GPR65: variants seen among roughly 807,000 people sequenced by gnomAD.
GPR65 encodes T-cell death-associated gene 8 protein.
In GPR65, 2 loss-of-function variants were observed where a neutral mutation model predicts 0.7. The ratio of observed to expected loss-of-function variants is 2.83; its 90% CI spans 1.16 to 8.92. GPR65 has a LOEUF of 8.92. GPR65 is among the 30% of genes most tolerant of loss of function. The pLI, the probability that GPR65 is intolerant of heterozygous loss-of-function variation, is 0.04. For missense variants in GPR65, 379 were observed against 399.4 expected, an observed-to-expected ratio of 0.95 and a Z score of 0.43; for synonymous variants, 128 against 146.5, an observed-to-expected ratio of 0.87 and a Z score of 0.91.
chr14:88,005,701 G>A (rs1431861284), intron 1 of GPR65, among the ~76,000 whole-genome samples: 3 of 152,122 alleles, frequency 2.0e-5, no homozygotes, highest in African/African-American at 4.8e-5. Context: ...CTACCACAGT[G>A]CCTGAAATAT....
chr14:88,007,687 T>A (rs1472002493), intron 1 of GPR65, among the ~76,000 whole-genome samples: 1 of 148,108 alleles, frequency 6.8e-6, no homozygotes, highest in Non-Finnish European at 1.5e-5. Flanking sequence ...TTGTGTTTTT[T>A]ATATATATAT....
At chr14:88,007,554 T>C (rs1392420284) in intron 1 of GPR65, among the ~76,000 whole-genome samples, 1 of 151,034 alleles carries the variant, frequency 6.6e-6, no homozygotes, top group Non-Finnish European at 1.5e-5. Context: ...TTATTATTAT[T>C]TTTATTTTTA....
At position 88,011,230 on chromosome 14, in the gene GPR65, G is replaced by C. The variant is rs780214420; in HGVS notation, c.383G>C (p.Arg128Thr). Residue 128 changes from arginine to threonine, a missense_variant, in exon 2 of 2, where the codon AGA becomes ACA. Arg to Thr is a moderately conservative substitution (Grantham distance 71). Transcript: ENST00000267549. Reference sequence around the variant, plus strand: ...TTGAAGTTTTTTTTCCTAAGGACAAGAAGATTTGCACTCATGGTCAGCCTG... The same window carrying C: ...TTGAAGTTTTTTTTCCTAAGGACAACAAGATTTGCACTCATGGTCAGCCTG... ...YPLKFFFLRTRRFALMVSLSI... is the reference protein window; with the variant it reads ...YPLKFFFLRTTRFALMVSLSI... 6.2e-7 allele frequency: 1 copy of C among 1,613,914 alleles called. No individual in the cohort carries two copies. The highest frequency in any genetic ancestry group is 1.1e-5 in the South Asian group (1 of 91,088).
chr14:88,005,635 A>G (rs55905933), intron 1 of GPR65, among the ~76,000 whole-genome samples: 16,514 of 152,170 alleles, frequency 0.11, 1,100 homozygotes, highest in Non-Finnish European at 0.15. Context: ...TGATATTAGG[A>G]AAGAATATTT....
chr14:88,011,990 C>T lies in GPR65; in HGVS notation c.*129C>T. The T allele has an allele frequency of 4.5e-6, 3 of 664,888 alleles. No homozygotes were observed. Among genetic ancestry groups the T allele is most frequent in the Non-Finnish European group, 7.7e-6 (3 of 387,956 alleles). The allele number at this position is 664,888 out of a possible 1,614,324, so 41.2% of individuals were successfully genotyped here. On this transcript the variant is annotated 3_prime_UTR_variant, in exon 2 of 2. Transcript: ENST00000267549. ...TCTCAGAGTGATGTTTTAATCCAGT[C>T]CAATAAAAATATCTTAAAACTGCAT...
intron 1 of GPR65, among the ~76,000 whole-genome samples, chr14:88,009,798 T>C (rs965666358): frequency 1.3e-5 from 2 of 152,062 alleles, no homozygotes; most frequent in African/African-American, 4.8e-5. Context: ...TTTATAAAAG[T>C]ATAAGAAAAA....
At position 88,011,962 on chromosome 14, in the gene GPR65, T is replaced by G; in HGVS notation, c.*101T>G. 1 of 830,484 alleles carries G rather than the reference T, an allele frequency of 1.2e-6. No individual in the cohort carries two copies. Among genetic ancestry groups the G allele is most frequent in the Admixed American group, 2.5e-5 (1 of 40,066 alleles). The allele number at this position is 830,484 out of a possible 1,614,324, so 51.4% of individuals were successfully genotyped here. On this transcript the variant is annotated 3_prime_UTR_variant, in exon 2 of 2. Coordinates refer to ENST00000267549, the MANE Select transcript of GPR65 (RefSeq NM_003608.4). The stretch of plus-strand genomic sequence containing the variant: ...AAATCTAGCATGTGAGGGGACTAAG[T>G]GTTCTCAGAGTGATGTTTTAATCCA...
chr14:88,011,430 C>A lies in GPR65; in HGVS notation c.583C>A (p.Pro195Thr). ...CAGGACGTGTACAGGCTATGCAATA[C>A]CTTTGGTCACCATCCTGATCTGCAA... ...LFRTCTGYAI[P>T]LVTILICNRK... The change falls in exon 2 of 2, where the codon CCT becomes ACT. Residue 195 changes from proline to threonine, a missense_variant. By Grantham distance (38) the Pro-to-Thr change is conservative. Coordinates refer to ENST00000267549, the MANE Select transcript of GPR65 (RefSeq NM_003608.4). The A allele has an allele frequency of 6.2e-7, 1 of 1,614,036 alleles. No homozygotes were observed. The highest frequency in any genetic ancestry group is 8.5e-7 in the Non-Finnish European group (1 of 1,179,940).
rs778453636 is a variant in GPR65 at position 88,011,459 on chromosome 14, G to A, written c.612G>A (p.Arg204=). The A allele has an allele frequency of 1.2e-6, 2 of 1,614,076 alleles. No individual in the cohort carries two copies. The highest frequency in any genetic ancestry group is 1.7e-5 in the Admixed American group (1 of 59,984). Residue 204 remains arginine, a synonymous_variant, in exon 2 of 2, where the codon CGG becomes CGA. Coordinates refer to ENST00000267549, the MANE Select transcript of GPR65 (RefSeq NM_003608.4). The stretch of plus-strand genomic sequence containing the variant: ...TGGTCACCATCCTGATCTGCAACCG[G>A]AAAGTCTACCAAGCTGTGCGGCACA... ...IPLVTILICN[R]KVYQAVRHNK... is the part of the protein sequence containing the mutation.
chr14:88,009,862 CTAAT>C (rs1216641230), intron 1 of GPR65, among the ~76,000 whole-genome samples: 1 of 152,092 alleles, frequency 6.6e-6, no homozygotes, highest in Non-Finnish European at 1.5e-5. Flanking sequence ...GTAGGATTGT[CTAAT>C]TATATGCTAA....
rs899403343 is a variant in GPR65, at chr14:88,014,681, C to T, written c.*2820C>T. The T allele has an allele frequency of 2.6e-5, 4 of 151,794 alleles. No individual in the cohort carries two copies. Among genetic ancestry groups the T allele is most frequent in the South Asian group, 2.1e-4 (1 of 4,802 alleles). 9.4% of individuals were successfully genotyped at this position (151,794 alleles called of 1,614,324 possible). A position where few individuals can be genotyped will look rare whatever the true frequency, so the allele number is the denominator to read the frequency against. On this transcript the variant is annotated 3_prime_UTR_variant, in exon 2 of 2. Coordinates refer to ENST00000267549, the MANE Select transcript of GPR65 (RefSeq NM_003608.4). ...TGACTCCTCAAATAATGTTACAATT[C>T]GATGTTCAAAAAGCAATCCAGGTAC...
intron 1 of GPR65, among the ~76,000 whole-genome samples, chr14:88,008,410 C>G (rs967208005): frequency 4.9e-4 from 74 of 152,254 alleles, no homozygotes; most frequent in African/African-American, 1.7e-3. Flanking sequence ...AATACATACT[C>G]TTTTGTGTCT....
rs1349829659 is a variant in GPR65, at chr14:88,014,285, A to G, written c.*2424A>G. ...TAGCATTAAAAATATGTCTTTGTAT[A>G]CTTATCTTACCCATGTAAGAAAAGA... On this transcript the variant is annotated 3_prime_UTR_variant, in exon 2 of 2. Coordinates refer to ENST00000267549, the MANE Select transcript of GPR65 (RefSeq NM_003608.4). The G allele has an allele frequency of 6.6e-6, 1 of 152,206 alleles. No homozygotes were observed. The highest frequency in any genetic ancestry group is 1.5e-5 in the Non-Finnish European group (1 of 68,034). 9.4% of individuals were successfully genotyped at this position (152,206 alleles called of 1,614,324 possible).
At position 88,011,150 on chromosome 14, in the gene GPR65, C is replaced by A; in HGVS notation, c.303C>A (p.Ser101Arg). The change falls in exon 2 of 2, where the codon AGC becomes AGA. Residue 101 changes from serine (S) to arginine (R), a missense_variant. Physicochemically the swap from Ser to Arg is moderately radical, Grantham distance 110. Coordinates refer to ENST00000267549, the MANE Select transcript of GPR65 (RefSeq NM_003608.4). ...AFLMYMNFYSSTAFLTCIAVD... is the reference protein window; with the variant it reads ...AFLMYMNFYSRTAFLTCIAVD... ...TCATGTACATGAATTTTTACAGCAG[C>A]ACAGCATTCCTCACCTGCATTGCCG... The A allele has an allele frequency of 1.9e-6, 3 of 1,613,810 alleles. No individual in the cohort carries two copies. The highest frequency in any genetic ancestry group is 2.5e-6 in the Non-Finnish European group (3 of 1,179,794).
At position 88,011,900 on chromosome 14, in the gene GPR65, T is replaced by C. The variant is rs1887688021; in HGVS notation, c.*39T>C. 1 of 1,370,532 alleles carries C rather than the reference T, an allele frequency of 7.3e-7. No homozygotes were observed. Among genetic ancestry groups the C allele is most frequent in the Admixed American group, 2.3e-5 (1 of 44,210 alleles). The allele number at this position is 1,370,532 out of a possible 1,614,324, so 84.9% of individuals were successfully genotyped here. On this transcript the variant is annotated 3_prime_UTR_variant, in exon 2 of 2. Transcript: ENST00000267549. ...TTGAAGGGAAGGGAAGTTTAAGTTA[T>C]GCATTATTATATCATCAAGATTACA...
chr14:88,013,405 G>A lies in GPR65; in HGVS notation c.*1544G>A, dbSNP rs80346474. 15,293 of 152,074 alleles carry A rather than the reference G, an allele frequency of 0.1. 965 individuals are homozygous for A. Among genetic ancestry groups the A allele is most frequent in the Non-Finnish European group, 0.15 (10,224 of 67,968 alleles). The allele number at this position is 152,074 out of a possible 1,614,324, so 9.4% of individuals were successfully genotyped here. On this transcript the variant is annotated 3_prime_UTR_variant, in exon 2 of 2. Transcript: ENST00000267549. ...GAATCCTCATTGTGTAAATTGCCTCGTTGTAAATAGACACTCAGTAAACAT... is the reference window on the plus strand; with the variant it reads ...GAATCCTCATTGTGTAAATTGCCTCATTGTAAATAGACACTCAGTAAACAT...
chr14:88,006,423 C>T (rs1887595119), intron 1 of GPR65, among the ~76,000 whole-genome samples: 1 of 152,124 alleles, frequency 6.6e-6, no homozygotes, highest in Non-Finnish European at 1.5e-5. Context: ...TTCGAATTGT[C>T]TCCAGAGCCC....
intron 1 of GPR65, among the ~76,000 whole-genome samples, chr14:88,008,400 A>G (rs1372833531): frequency 6.6e-6 from 1 of 152,164 alleles, no homozygotes; most frequent in Non-Finnish European, 1.5e-5. Context: ...TGTATCAGAT[A>G]ATACATACTC....
chr14:88,007,356 T>C (rs1887608451), intron 1 of GPR65, among the ~76,000 whole-genome samples: 1 of 152,060 alleles, frequency 6.6e-6, no homozygotes, highest in South Asian at 2.1e-4. Context: ...CTTTTCGATC[T>C]TTATGGAATT....
Sources: allele counts gnomAD v4.1 joint callset (sites outside exome capture counted in the v4.1 genomes callset), GRCh38; gene constraint gnomAD v4.1.1; transcripts MANE v1.5; gene names NCBI Gene and HGNC (gene_info 2026-07-23, HGNC 2026-07-21).